The following ARHGEF18 variants were observed in gnomAD, a reference collection of about 807,000 sequenced individuals.
ARHGEF18 encodes rho guanine nucleotide exchange factor 18.
A neutral mutation model predicts 155.7 loss-of-function variants in ARHGEF18; 93 were observed. That is an observed-to-expected ratio of 0.60 (90% confidence interval 0.50 to 0.71). The LOEUF (loss-of-function observed/expected upper bound fraction) is 0.71, where lower values mean the gene tolerates loss of function less well. ARHGEF18 is among the 30% of genes least tolerant of loss of function. The pLI, the probability that ARHGEF18 is intolerant of heterozygous loss-of-function variation, is 0.00. For missense variants in ARHGEF18, 1,593 were observed against 1,816.1 expected (o/e 0.88, Z 2.23); for synonymous variants, 742 against 753.1 (o/e 0.99, Z 0.24).
chr19:7,372,900 A>C lies in ARHGEF18; in HGVS notation c.104A>C (p.Asp35Ala), dbSNP rs1600217534. 8.1e-7 allele frequency: 1 copy of C among 1,234,414 alleles called. No homozygotes were observed. Among genetic ancestry groups the C allele is most frequent in the African/African-American group, 1.5e-5 (1 of 64,590 alleles). The allele number at this position is 1,234,414 out of a possible 1,614,324, so 76.5% of individuals were successfully genotyped here. A position where few individuals can be genotyped will look rare whatever the true frequency, so the allele number is the denominator to read the frequency against. ...GALQGSEYLQ[D>A]LGLGAPSHSQ... ...CTTCAGGGCAGCGAGTATCTGCAGG[A>C]CCTGGGCCTTGGGGCCCCTTCCCAC... Residue 35 changes from aspartate to alanine, a missense_variant, in exon 3 of 29, where the codon GAC (aspartate) becomes GCC (alanine). By Grantham distance (126) the Asp-to-Ala change is moderately radical (BLOSUM62 -2). Coordinates refer to ENST00000668164, the MANE Select transcript of ARHGEF18 (RefSeq NM_001367823.1).
Position 7,373,000 on chromosome 19 carries a change from G to A in ARHGEF18, c.204G>A (p.Leu68=). Residue 68 remains leucine (L), a synonymous_variant, in exon 3 of 29, where the codon TTG becomes TTA. Coordinates refer to ENST00000668164, the MANE Select transcript of ARHGEF18 (RefSeq NM_001367823.1). ...GAAGAGATTCTCTTTTCTCCAGCTT[G>A]GCAGGGTCCCAAGACCTGTCAAGGC... The part of the protein sequence containing the change: ...EPGRDSLFSS[L]AGSQDLSRRR... The A allele has an allele frequency of 2.4e-6, 3 of 1,234,448 alleles. No homozygotes were observed. Among genetic ancestry groups the A allele is most frequent in the South Asian group, 4.1e-5 (1 of 24,420 alleles). 76.5% of individuals were successfully genotyped at this position (1,234,448 alleles called of 1,614,324 possible).
chr19:7,395,721 G>A lies in ARHGEF18; in HGVS notation c.967+12518G>A, dbSNP rs1294867002. On this transcript the variant is annotated intron_variant, in intron 10 of 28. Transcript: ENST00000668164. The surrounding 1 kb of genome is among the most constrained non-coding windows in gnomAD (Gnocchi z 5.0). ...GCAGGGAGCGTTTGGGTGCAAAACC[G>A]TGAGAACTATCTGTGCCATGGGTTT... Among the ~76,000 whole-genome samples the A allele has an allele frequency of 6.6e-6, 1 of 152,214 alleles. No homozygotes were observed. Among genetic ancestry groups the A allele is most frequent in the African/African-American group, 2.4e-5 (1 of 41,458 alleles).
intron 1 of ARHGEF18, among the ~76,000 whole-genome samples, chr19:7,350,653 G>A (rs1000446537): frequency 1.3e-5 from 2 of 152,218 alleles, no homozygotes; most frequent in African/African-American, 4.8e-5. Context: ...GTGTTGGACA[G>A]CTGGGCGTTC....
downstream of ARHGEF18, chr19:7,473,136 G>A: frequency 2.2e-6 from 1 of 456,268 alleles, no homozygotes; most frequent in South Asian, 1.5e-5. Flanking sequence ...GGGGTGAGAG[G>A]CAGCTTGGCC....
chr19:7,425,976 G>A (rs1489309441), intron 10 of ARHGEF18, among the ~76,000 whole-genome samples: 1 of 152,076 alleles, frequency 6.6e-6, no homozygotes, highest in Non-Finnish European at 1.5e-5. Context: ...CTCCAGCCTG[G>A]GCAACAGAGT....
chr19:7,445,593 A>G (rs1974937861), intron 14 of ARHGEF18, among the ~76,000 whole-genome samples: 1 of 152,112 alleles, frequency 6.6e-6, no homozygotes, highest in Non-Finnish European at 1.5e-5. Flanking sequence ...TCCTGGGCCA[A>G]CTAATTAGAA....
intron 1 of ARHGEF18, among the ~76,000 whole-genome samples, chr19:7,356,079 A>G (rs543610395): frequency 6.6e-6 from 1 of 152,106 alleles, no homozygotes; most frequent in South Asian, 2.1e-4. Context: ...GGCAGAAACA[A>G]AAACGGGGGG....
intron 10 of ARHGEF18, among the ~76,000 whole-genome samples, chr19:7,419,957 G>A (rs1457725730): frequency 8.9e-6 from 1 of 112,160 alleles, no homozygotes; most frequent in South Asian, 2.6e-4. Flanking sequence ...ACTCACACTC[G>A]GCCCTCATAC....
intron 8 of ARHGEF18, among the ~76,000 whole-genome samples, chr19:7,382,288 C>T (rs954588548): frequency 4.6e-5 from 7 of 151,918 alleles, no homozygotes; most frequent in Admixed American, 2.6e-4. Context: ...CCCAGCTACT[C>T]GGGAGGCTGA....
chr19:7,457,042 G>A (rs939593342), intron 18 of ARHGEF18, among the ~76,000 whole-genome samples: 1 of 152,122 alleles, frequency 6.6e-6, no homozygotes, highest in African/African-American at 2.4e-5. Flanking sequence ...AGCTGCTGGT[G>A]TGTTCTTAAC....
In ARHGEF18 at chr19:7,370,398, A is replaced by G. The variant is rs540459904; in HGVS notation, c.16-2414A>G. Among the ~76,000 whole-genome samples the G allele has an allele frequency of 2.0e-4, 31 of 152,166 alleles. No individual in the cohort carries two copies. In the East Asian group the frequency reaches 6.0e-3, roughly 29 times the overall value. ...GTAGTCCCAGCTACTCGGGAGGCTG[A>G]GGCAGGAGAATGGCGTGAACCCGGG... On this transcript the variant is annotated intron_variant, in intron 2 of 28. Transcript: ENST00000668164.
the ARHGEF18 span, chr19:7,478,440 C>G: frequency 8.5e-6 from 13 of 1,521,340 alleles, no homozygotes; most frequent in Non-Finnish European, 1.2e-5. Flanking sequence ...CTCCACAACG[C>G]TGGCCCCGGA....
intron 10 of ARHGEF18, among the ~76,000 whole-genome samples, chr19:7,384,305 C>A (rs1166805543): frequency 6.6e-6 from 1 of 152,154 alleles, no homozygotes; most frequent in East Asian, 1.9e-4. Flanking sequence ...TCAAAAATGT[C>A]TCCAGACATG....
At position 7,356,294 on chromosome 19, in the gene ARHGEF18, C is replaced by T. The variant is rs571133461; in HGVS notation, c.-110-6487C>T. 1.4e-4 allele frequency among the ~76,000 whole-genome samples: 21 copies of T among 148,902 alleles called. 1 individual carries two copies. The highest frequency in any genetic ancestry group is 3.7e-4 in the African/African-American group (15 of 40,110). On this transcript the variant is annotated intron_variant, in intron 1 of 28. Transcript: ENST00000668164. ...TTCTTTTTTTTTTTTTTTCTGAGAC[C>T]GAGTCTCATTCGGTCGCCGAGGCTG... is the stretch of plus-strand genomic sequence containing the variant.
intron 10 of ARHGEF18, among the ~76,000 whole-genome samples, chr19:7,404,044 G>A (rs1302299760): frequency 3.3e-5 from 5 of 151,556 alleles, no homozygotes; most frequent in African/African-American, 1.2e-4. Flanking sequence ...TGTCAGCCTG[G>A]GCAACAGAGC....
intron 12 of ARHGEF18, 21 bp downstream of exon 12, chr19:7,441,786 T>G: frequency 6.2e-7 from 1 of 1,613,470 alleles, no homozygotes; most frequent in Non-Finnish European, 8.5e-7. Context: ...CTCCGCTCTC[T>G]CGCGGCTGCC....
chr19:7,416,530 CGTGTGTGTGTGTGT>C (rs71179108), intron 10 of ARHGEF18, among the ~76,000 whole-genome samples: 3,870 of 105,946 alleles, frequency 0.037, 162 homozygotes, highest in African/African-American at 0.12. Context: ...GGAGAAAATT[CGTGTGTGTGTGTGT>C]GTGTGTGTGT....
At chr19:7,363,671 G>T (rs1969731875) in intron 2 of ARHGEF18, among the ~76,000 whole-genome samples, 1 of 151,660 alleles carries the variant, frequency 6.6e-6, no homozygotes, top group Non-Finnish European at 1.5e-5. Context: ...GATAATGGAT[G>T]GGTGAGTGGA....
intron 10 of ARHGEF18, among the ~76,000 whole-genome samples, chr19:7,430,594 G>A (rs992663791): frequency 1.3e-5 from 2 of 151,520 alleles, no homozygotes; most frequent in Non-Finnish European, 2.9e-5. Flanking sequence ...GCTAAAGCCT[G>A]GAGTTCGAGA....
Sources: allele counts gnomAD v4.1 joint callset (sites outside exome capture counted in the v4.1 genomes callset), GRCh38; gene constraint gnomAD v4.1.1; non-coding constraint Gnocchi (gnomAD v3.1); transcripts MANE v1.5; gene names NCBI Gene and HGNC (gene_info 2026-07-23, HGNC 2026-07-21).